SRPK2: variants seen among roughly 807,000 people sequenced by gnomAD.
The protein encoded by SRPK2 is SRSF protein kinase 2.
A neutral mutation model predicts 90.8 loss-of-function variants in SRPK2; 21 were observed. The observed-to-expected ratio is 0.23, with a 90% confidence interval of 0.16 to 0.33. The LOEUF (loss-of-function observed/expected upper bound fraction) is 0.33, where lower values mean the gene tolerates loss of function less well. SRPK2 is among the 10% of genes least tolerant of loss of function. The pLI, the probability that SRPK2 is intolerant of heterozygous loss-of-function variation, is 1.00. For missense variants in SRPK2, 620 were observed against 869.0 expected, an observed-to-expected ratio of 0.71 and a Z score of 3.60; for synonymous variants, 288 against 311.1, an observed-to-expected ratio of 0.93 and a Z score of 0.78.
At position 105,315,553 on chromosome 7, in the gene SRPK2, G is replaced by C. The variant is rs1812215094; in HGVS notation, c.71+73095C>G. Among the ~76,000 whole-genome samples, 4 of 152,188 alleles carry C rather than the reference G, an allele frequency of 2.6e-5. No individual in the cohort carries two copies. The South Asian group carries it at 8.3e-4, about 31-fold the overall frequency. On this transcript the variant is annotated intron_variant, in intron 2 of 15. Coordinates refer to ENST00000393651, the MANE Select transcript of SRPK2 (RefSeq NM_182692.3). ...AGGACTTGCTGCCAGGCAAACATGA[G>C]AATTCTGGGCCCATGACTCTCATTT...
At chr7:105,356,004 T>C (rs1817741804) in intron 2 of SRPK2, among the ~76,000 whole-genome samples, 1 of 152,060 alleles carries the variant, frequency 6.6e-6, no homozygotes, top group South Asian at 2.1e-4. Flanking sequence ...GCTGAGACCA[T>C]GCCACCGCAC....
intron 7 of SRPK2, among the ~76,000 whole-genome samples, chr7:105,159,275 T>G (rs1039353889): frequency 7.9e-5 from 12 of 151,652 alleles, no homozygotes; most frequent in Non-Finnish European, 8.8e-5. Context: ...TGCCTGAGCT[T>G]AGGAGTTTGA....
intron 2 of SRPK2, among the ~76,000 whole-genome samples, chr7:105,308,158 T>C (rs561625102): frequency 1.1e-4 from 17 of 152,326 alleles, no homozygotes; most frequent in Admixed American, 3.3e-4. Context: ...ACAGTTTACA[T>C]TGTTTTCATG....
At chr7:105,191,863 TA>T (rs138140612) in intron 3 of SRPK2, among the ~76,000 whole-genome samples, 2 of 147,710 alleles carry the variant, frequency 1.4e-5, no homozygotes, top group African/African-American at 5.0e-5. Flanking sequence ...TATCCTTTTG[TA>T]AAAAAAAACA....
intron 15 of SRPK2, among the ~76,000 whole-genome samples, chr7:105,124,260 CCT>C (rs1365552285): frequency 2.0e-5 from 3 of 152,206 alleles, no homozygotes; most frequent in Non-Finnish European, 4.4e-5. Context: ...TCATTCAAGG[CCT>C]CTCTTTCTGT....
At chr7:105,274,465 G>A (rs1303098627) in intron 2 of SRPK2, among the ~76,000 whole-genome samples, 2 of 152,050 alleles carry the variant, frequency 1.3e-5, no homozygotes, top group African/African-American at 2.4e-5. Flanking sequence ...GGGAGGCTGA[G>A]GCAGGAGAAT....
At chr7:105,178,491 T>C (rs1176682123) in intron 3 of SRPK2, among the ~76,000 whole-genome samples, 1 of 152,148 alleles carries the variant, frequency 6.6e-6, no homozygotes, top group Non-Finnish European at 1.5e-5. Context: ...AAGGCTAATA[T>C]TCCAAAAGAC....
intron 2 of SRPK2, among the ~76,000 whole-genome samples, chr7:105,376,882 T>TACACACACACACAC (rs34080086): frequency 0.011 from 1,338 of 120,952 alleles, 24 homozygotes; most frequent in African/African-American, 0.04. Flanking sequence ...TTTTCTCCTT[T>TACACACACACACAC]ACACACACAC....
At chr7:105,270,774 C>G (rs1805732279) in intron 2 of SRPK2, among the ~76,000 whole-genome samples, 4 of 152,146 alleles carry the variant, frequency 2.6e-5, no homozygotes, top group Admixed American at 2.0e-4. Context: ...AAGCCTCTAT[C>G]TCCTCTCCTG....
intron 2 of SRPK2, among the ~76,000 whole-genome samples, chr7:105,361,902 G>A (rs1818466264): frequency 6.6e-6 from 1 of 152,084 alleles, no homozygotes; most frequent in Non-Finnish European, 1.5e-5. Flanking sequence ...ATACCATTCA[G>A]GACATAGGCA....
At chr7:105,180,776 T>A (rs1792680327) in intron 3 of SRPK2, among the ~76,000 whole-genome samples, 1 of 151,714 alleles carries the variant, frequency 6.6e-6, no homozygotes, top group South Asian at 2.1e-4. Context: ...CAAGAAAAAA[T>A]AAAAGCCTGG....
intron 2 of SRPK2, among the ~76,000 whole-genome samples, chr7:105,292,772 G>A (rs796310682): frequency 1.3e-4 from 20 of 152,254 alleles, no homozygotes; most frequent in African/African-American, 4.8e-4. Flanking sequence ...ACTATAAATG[G>A]TAGTTTCCCA....
intron 2 of SRPK2, chr7:105,204,631 G>C (rs1795971885): frequency 5.0e-6 from 4 of 806,576 alleles, no homozygotes; most frequent in Non-Finnish European, 3.9e-6. Flanking sequence ...TTGCTCTGAG[G>C]GTCAGTTGCC....
intron 6 of SRPK2, among the ~76,000 whole-genome samples, chr7:105,161,101 A>G (rs1318664606): frequency 6.6e-6 from 1 of 151,772 alleles, no homozygotes. Context: ...AATTTTTTGT[A>G]ATTTTAGTAG....
intron 3 of SRPK2, among the ~76,000 whole-genome samples, chr7:105,177,898 G>A (rs1290172554): frequency 2.6e-5 from 4 of 151,786 alleles, no homozygotes; most frequent in African/African-American, 4.8e-5. Context: ...GCATAGTGGC[G>A]GGCGCCTGTA....
At chr7:105,373,630 T>C (rs1213523695) in intron 2 of SRPK2, among the ~76,000 whole-genome samples, 1 of 152,122 alleles carries the variant, frequency 6.6e-6, no homozygotes, top group Non-Finnish European at 1.5e-5. Context: ...CTCGAACTCC[T>C]GGCCTCAAGT....
chr7:105,317,092 T>C (rs1229983263), intron 2 of SRPK2, among the ~76,000 whole-genome samples: 1 of 152,218 alleles, frequency 6.6e-6, no homozygotes, highest in Non-Finnish European at 1.5e-5. Flanking sequence ...TCTCAAAGTG[T>C]GGTTCACAAA....
intron 2 of SRPK2, among the ~76,000 whole-genome samples, chr7:105,298,033 C>A (rs1245561156): frequency 6.6e-6 from 1 of 152,194 alleles, no homozygotes; most frequent in Non-Finnish European, 1.5e-5. Context: ...AGCCACCACG[C>A]CTGGCCTGTA....
intron 2 of SRPK2, 46 bp downstream of exon 2, chr7:105,388,602 G>T (rs1415412537): frequency 2.6e-6 from 4 of 1,516,636 alleles, no homozygotes; most frequent in East Asian, 5.3e-5. Context: ...GGGCGCCCCC[G>T]ACGGGGCGGG....
Sources: gnomAD v4.1 joint callset for allele counts (sites outside exome capture counted in the v4.1 genomes callset) on GRCh38, gnomAD v4.1.1 for gene constraint, MANE v1.5 for transcripts, NCBI Gene and HGNC (gene_info 2026-07-23, HGNC 2026-07-21) for gene names.